The following RGS7 variants were observed in gnomAD, a reference collection of about 807,000 sequenced individuals.
RGS7 encodes regulator of G-protein signaling 7.
RGS7 carries 27 observed loss-of-function variants against 81.1 expected under a neutral mutation model. The observed-to-expected ratio is 0.33, with a 90% CI of 0.25 to 0.46. The LOEUF is 0.46. Ranked by LOEUF, RGS7 falls within the 20% of genes least tolerant of loss-of-function variation. The probability of loss-of-function intolerance (pLI) is 1.00; values close to 1 mark genes in which losing one functional copy is unlikely to be tolerated. For missense variants in RGS7, 396 were observed against 607.4 expected (o/e 0.65, Z 3.66); for synonymous variants, 208 against 207.7 (o/e 1.00, Z -0.01).
intron 2 of RGS7, among the ~76,000 whole-genome samples, chr1:241,180,525 G>C (rs1025025734): frequency 1.3e-5 from 2 of 152,276 alleles, no homozygotes; most frequent in Admixed American, 6.5e-5. Context: ...AACCCACCTT[G>C]ACACCTGTTT....
chr1:241,087,944 A>ATCTCTCTC (rs574047844), intron 3 of RGS7, among the ~76,000 whole-genome samples: 1 of 116,108 alleles, frequency 8.6e-6, no homozygotes, highest in Non-Finnish European at 1.7e-5. Flanking sequence ...GCAAGACTCC[A>ATCTCTCTC]TCTCTCTCTC....
chr1:240,855,668 G>A (rs934173731), intron 9 of RGS7, among the ~76,000 whole-genome samples: 2 of 151,948 alleles, frequency 1.3e-5, no homozygotes, highest in African/African-American at 4.8e-5. Context: ...ATAGCTATGC[G>A]ATTTCAAATG....
At chr1:241,062,904 T>C (rs923875453) in intron 3 of RGS7, among the ~76,000 whole-genome samples, 7 of 152,200 alleles carry the variant, frequency 4.6e-5, no homozygotes, top group African/African-American at 1.7e-4. Context: ...CTTTCACAAG[T>C]GTATTTGGGC....
At chr1:240,944,860 T>G (rs1018243626) in intron 4 of RGS7, among the ~76,000 whole-genome samples, 1 of 152,204 alleles carries the variant, frequency 6.6e-6, no homozygotes, top group Admixed American at 6.6e-5. Context: ...ACTACAGGCA[T>G]GCGCCACCAC....
intron 9 of RGS7, among the ~76,000 whole-genome samples, chr1:240,849,704 C>T (rs1659753005): frequency 6.6e-6 from 1 of 152,152 alleles, no homozygotes; most frequent in African/African-American, 2.4e-5. Flanking sequence ...CCTGCTCTCA[C>T]TGTGTGATGT....
At chr1:240,827,864 C>CA (rs57562408) in intron 9 of RGS7, among the ~76,000 whole-genome samples, 17,320 of 52,128 alleles carry the variant, frequency 0.33, 3,410 homozygotes, top group Non-Finnish European at 0.36. Context: ...AACTCCATTG[C>CA]AAAAAAAAAA....
intron 6 of RGS7, among the ~76,000 whole-genome samples, chr1:240,901,531 T>C (rs1345033423): frequency 2.0e-5 from 3 of 152,194 alleles, no homozygotes; most frequent in African/African-American, 7.2e-5. Context: ...CTGAACCCAG[T>C]TTTTATGTTT....
At chr1:240,819,942 T>C (rs1320164563) in intron 10 of RGS7, among the ~76,000 whole-genome samples, 2 of 152,214 alleles carry the variant, frequency 1.3e-5, no homozygotes, top group Non-Finnish European at 2.9e-5. Flanking sequence ...CTGGGGATAG[T>C]GATAGCGTTT....
In RGS7 at chr1:241,308,796, A is replaced by G. The variant is rs183430707; in HGVS notation, c.78+46903T>C. Among the ~76,000 whole-genome samples, 7 of 152,310 alleles carry G rather than the reference A, an allele frequency of 4.6e-5. No homozygotes were observed. In the East Asian group the frequency reaches 1.2e-3, roughly 25 times the overall value. On this transcript the variant is annotated intron_variant, in intron 2 of 18. Coordinates refer to ENST00000440928, the MANE Select transcript of RGS7 (RefSeq NM_001364886.1). ...GAAAAGACACTTGGTTCAGCAAAGA[A>G]AAGAAAGGAGGATTCATTAATAGAA...
intron 3 of RGS7, among the ~76,000 whole-genome samples, chr1:240,992,449 A>G (rs1686590831): frequency 6.6e-6 from 1 of 152,000 alleles, no homozygotes; most frequent in Admixed American, 6.5e-5. Flanking sequence ...GGTTGCAGTG[A>G]GCCAAGATCA....
chr1:241,050,987 T>C (rs548731071), intron 3 of RGS7, among the ~76,000 whole-genome samples: 1 of 152,088 alleles, frequency 6.6e-6, no homozygotes, highest in Non-Finnish European at 1.5e-5. Context: ...GTGAGGGAGA[T>C]TGGCACTTCT....
At chr1:241,073,415 C>CA (rs558610633) in intron 3 of RGS7, among the ~76,000 whole-genome samples, 7 of 150,568 alleles carry the variant, frequency 4.6e-5, no homozygotes, top group South Asian at 4.2e-4. Context: ...AGAAGGTGCT[C>CA]AAAAAAAAAT....
At chr1:241,137,246 T>C (rs1183099816) in intron 2 of RGS7, among the ~76,000 whole-genome samples, 2 of 152,134 alleles carry the variant, frequency 1.3e-5, no homozygotes, top group Non-Finnish European at 2.9e-5. Flanking sequence ...TGTGAGCTCC[T>C]TGAGGGAAAT....
At chr1:240,839,995 C>G (rs1695343289) in intron 9 of RGS7, among the ~76,000 whole-genome samples, 1 of 152,122 alleles carries the variant, frequency 6.6e-6, no homozygotes, top group Non-Finnish European at 1.5e-5. Context: ...CAAATACACC[C>G]CGAACCTACT....
intron 2 of RGS7, among the ~76,000 whole-genome samples, chr1:241,132,741 A>ATTTAT (rs1553265451): frequency 6.6e-6 from 1 of 150,984 alleles, no homozygotes; most frequent in Non-Finnish European, 1.5e-5. Context: ...TCAACTTATT[A>ATTTAT]TTTGTTTGTT....
chr1:241,253,369 A>T (rs1046728666), intron 2 of RGS7, among the ~76,000 whole-genome samples: 2 of 152,172 alleles, frequency 1.3e-5, no homozygotes, highest in Non-Finnish European at 2.9e-5. Context: ...TATTCTACGT[A>T]GTTTGCTGTA....
At chr1:241,110,632 A>G (rs2065444615) in intron 2 of RGS7, among the ~76,000 whole-genome samples, 1 of 105,066 alleles carries the variant, frequency 9.5e-6, no homozygotes, top group Non-Finnish European at 1.9e-5. Flanking sequence ...TTATTTTATT[A>G]TTTCATTTTT....
At chr1:241,140,643 T>C (rs903834090) in intron 2 of RGS7, among the ~76,000 whole-genome samples, 1 of 152,058 alleles carries the variant, frequency 6.6e-6, no homozygotes, top group Non-Finnish European at 1.5e-5. Context: ...ACTCTTGGGC[T>C]CAAGCAATCC....
At chr1:241,000,633 A>ATTTCTTTTCT (rs10536488) in intron 3 of RGS7, among the ~76,000 whole-genome samples, 11 of 150,610 alleles carry the variant, frequency 7.3e-5, no homozygotes, top group Non-Finnish European at 1.2e-4. Flanking sequence ...TTCCTCATTT[A>ATTTCTTTTCT]TTTCTTTTCT....
Sources: gnomAD v4.1 joint callset for allele counts (sites outside exome capture counted in the v4.1 genomes callset) on GRCh38, gnomAD v4.1.1 for gene constraint, MANE v1.5 for transcripts, NCBI Gene and HGNC (gene_info 2026-07-23, HGNC 2026-07-21) for gene names.